GK5: variants seen among roughly 807,000 people sequenced by gnomAD.
GK5 encodes the protein ATP:glycerol 3-phosphotransferase 5.
GK5 carries 39 observed loss-of-function variants against 77.3 expected under a neutral mutation model. The observed-to-expected ratio is 0.50, with a 90% CI of 0.39 to 0.66. The LOEUF (loss-of-function observed/expected upper bound fraction) is 0.66. GK5 is among the 30% of genes least tolerant of loss of function. The pLI, the probability that GK5 is intolerant of heterozygous loss-of-function variation, is 0.00. For missense variants in GK5, 487 were observed against 633.8 expected (o/e 0.77, Z 2.49); for synonymous variants, 211 against 208.0 (o/e 1.01, Z -0.13).
At chr3:142,183,837 G>A (rs371920285) in intron 9 of GK5, among the ~76,000 whole-genome samples, 7 of 151,952 alleles carry the variant, frequency 4.6e-5, no homozygotes, top group Non-Finnish European at 7.4e-5. Flanking sequence ...GGCCTAAAGC[G>A]ATCCTCTCAC....
chr3:142,217,457 A>G (rs1405353965), intron 1 of GK5, among the ~76,000 whole-genome samples: 2 of 152,200 alleles, frequency 1.3e-5, no homozygotes, highest in Admixed American at 1.3e-4. Context: ...AGATAGACCA[A>G]TAGAAATTAT....
chr3:142,199,511 G>C (rs1289680523), intron 4 of GK5, among the ~76,000 whole-genome samples: 1 of 152,000 alleles, frequency 6.6e-6, no homozygotes, highest in Non-Finnish European at 1.5e-5. Flanking sequence ...AAAGACCTGA[G>C]AACTCTTAAT....
chr3:142,218,005 G>A (rs1027837806), intron 1 of GK5, among the ~76,000 whole-genome samples: 5 of 151,888 alleles, frequency 3.3e-5, no homozygotes, highest in African/African-American at 1.2e-4. Context: ...TAAAGTTAGA[G>A]GCACACTACC....
chr3:142,168,053 T>G (rs1030634522), intron 15 of GK5, among the ~76,000 whole-genome samples: 2 of 151,664 alleles, frequency 1.3e-5, no homozygotes, highest in African/African-American at 4.9e-5. Context: ...AAACCCTGCA[T>G]GTGTTTGTTA....
chr3:142,177,861 T>C lies in GK5; in HGVS notation c.1049-285A>G, dbSNP rs183792688. 4.4e-3 allele frequency among the ~76,000 whole-genome samples: 662 copies of C among 149,584 alleles called. 19 individuals are homozygous for C. Among genetic ancestry groups the C allele is most frequent in the Admixed American group, 0.028 (414 of 14,992 alleles). On this transcript the variant is annotated intron_variant, in intron 11 of 15. Transcript: ENST00000392993. ...AGCAGGACTTACGTTTTTTTTCTTT[T>C]TTTTTTTTTTTTTTGAGACGGAGTT... is the stretch of plus-strand genomic sequence containing the variant.
At chr3:142,194,095 C>T (rs1005908736) in intron 5 of GK5, among the ~76,000 whole-genome samples, 1 of 151,940 alleles carries the variant, frequency 6.6e-6, no homozygotes, top group African/African-American at 2.4e-5. Context: ...TATAGAAACA[C>T]GATTTTTAGC....
intron 1 of GK5, among the ~76,000 whole-genome samples, chr3:142,223,875 G>T (rs967181543): frequency 1.1e-4 from 16 of 152,090 alleles, no homozygotes; most frequent in African/African-American, 3.6e-4. Context: ...AAGGAAGTCT[G>T]ATGTTTCCCC....
At chr3:142,203,521 TC>T (rs1275249229) in intron 4 of GK5, among the ~76,000 whole-genome samples, 1 of 152,318 alleles carries the variant, frequency 6.6e-6, no homozygotes, top group East Asian at 1.9e-4. Context: ...ACGCCTGTAA[TC>T]CCCGCACTTT....
rs1442286225 is a variant in GK5 at position 142,189,496 on chromosome 3, A to T, written c.544-1717T>A. On this transcript the variant is annotated intron_variant, in intron 5 of 15. Coordinates refer to ENST00000392993, the MANE Select transcript of GK5 (RefSeq NM_001039547.3). ...TATTCTAAAATTTGTTCCAGATACA[A>T]CTTTTTTTAATAGCCAAAAGTTAAC... Among the ~76,000 whole-genome samples the T allele has an allele frequency of 8.5e-5, 13 of 152,314 alleles. No homozygotes were observed. In the South Asian group the frequency reaches 2.7e-3, roughly 32 times the overall value.
At chr3:142,177,862 T>C (rs898990125) in intron 11 of GK5, among the ~76,000 whole-genome samples, 36 of 149,900 alleles carry the variant, frequency 2.4e-4, no homozygotes, top group African/African-American at 7.4e-4. Context: ...TTTTTCTTTT[T>C]TTTTTTTTTT....
At position 142,160,880 on chromosome 3, in the gene GK5, G is replaced by T. The variant is rs569991837; in HGVS notation, c.*4742C>A. ...ACTACAGGGGCATACCACCACACCT[G>T]GCTAATTTAAAAAAAATTTTTTTGT... is the stretch of plus-strand genomic sequence containing the variant. On this transcript the variant is annotated 3_prime_UTR_variant, in exon 16 of 16. Coordinates refer to ENST00000392993, the MANE Select transcript of GK5 (RefSeq NM_001039547.3). 5 of 152,090 alleles carry T rather than the reference G, an allele frequency of 3.3e-5. No individual in the cohort carries two copies. In the South Asian group the frequency reaches 8.3e-4, roughly 25 times the overall value. 9.4% of individuals were successfully genotyped at this position (152,090 alleles called of 1,614,324 possible). A position where few individuals can be genotyped will look rare whatever the true frequency, so the allele number is the denominator to read the frequency against.
intron 11 of GK5, among the ~76,000 whole-genome samples, chr3:142,178,124 C>T (rs1160414915): frequency 3.3e-5 from 5 of 152,072 alleles, no homozygotes; most frequent in Admixed American, 3.3e-4. Flanking sequence ...TCCCAAAGTG[C>T]TGGGAATACA....
intron 4 of GK5, among the ~76,000 whole-genome samples, chr3:142,200,779 A>C (rs1401408722): frequency 6.6e-6 from 1 of 152,236 alleles, no homozygotes; most frequent in Admixed American, 6.5e-5. Flanking sequence ...ATCTTCATTC[A>C]TATATCTAAT....
chr3:142,200,524 G>A (rs2064004735), intron 4 of GK5, among the ~76,000 whole-genome samples: 1 of 152,062 alleles, frequency 6.6e-6, no homozygotes, highest in African/African-American at 2.4e-5. Flanking sequence ...TAAAACATAA[G>A]ACTTTTTAAA....
rs2063403760 is a variant in GK5 at position 142,159,083 on chromosome 3, A to G, written c.*6539T>C. 1.3e-5 allele frequency: 2 copies of G among 152,232 alleles called. No homozygotes were observed. The highest frequency in any genetic ancestry group is 2.9e-5 in the Non-Finnish European group (2 of 68,034). The allele number at this position is 152,232 out of a possible 1,614,324, so 9.4% of individuals were successfully genotyped here. A position where few individuals can be genotyped will look rare whatever the true frequency, so the allele number is the denominator to read the frequency against. ...CTCATTAAGCAAACATTTAGTGATCATATCTCACTGCAGCCTCGAACTCCT... is the reference window on the plus strand; with the variant it reads ...CTCATTAAGCAAACATTTAGTGATCGTATCTCACTGCAGCCTCGAACTCCT... On this transcript the variant is annotated 3_prime_UTR_variant, in exon 16 of 16. Coordinates refer to ENST00000392993, the MANE Select transcript of GK5 (RefSeq NM_001039547.3).
Position 142,165,376 on chromosome 3 carries a change from CTTTGGAATTTGCTACAAAATA to C in GK5, c.*225_*245del, listed in dbSNP as rs1414958714. 4 of 345,148 alleles carry C rather than the reference CTTTGGAATTTGCTACAAAATA, an allele frequency of 1.2e-5. No homozygotes were observed. Among genetic ancestry groups the C allele is most frequent in the Non-Finnish European group, 2.1e-5 (4 of 194,504 alleles). 21.4% of individuals were successfully genotyped at this position (345,148 alleles called of 1,614,324 possible). ...AATGTGGTTGGAAATGACTAATGTC[CTTTGGAATTTGCTACAAAATA>C]GAAGATATAAAGTTTTGAGGTATTG... On this transcript the variant is annotated 3_prime_UTR_variant, in exon 16 of 16. Coordinates refer to ENST00000392993, the MANE Select transcript of GK5 (RefSeq NM_001039547.3).
At chr3:142,177,631 A>C in intron 11 of GK5, 55 bp from the exon 12 acceptor site, 1 of 959,428 alleles carries the variant, frequency 1.0e-6, no homozygotes, top group Non-Finnish European at 1.7e-6. Flanking sequence ...GAGGTTAGAG[A>C]GGCACAAACA....
At chr3:142,218,110 C>A (rs1205414673) in intron 1 of GK5, among the ~76,000 whole-genome samples, 1 of 151,824 alleles carries the variant, frequency 6.6e-6, no homozygotes, top group Non-Finnish European at 1.5e-5. Context: ...AATACAGAGT[C>A]CAGAAATAGA....
In GK5 at chr3:142,215,656, T is replaced by C. The variant is rs1241726882; in HGVS notation, c.184A>G (p.Ile62Val). 1.3e-6 allele frequency: 2 copies of C among 1,598,508 alleles called. No homozygotes were observed. Among genetic ancestry groups the C allele is most frequent in the Non-Finnish European group, 1.7e-6 (2 of 1,167,942 alleles). The change falls in exon 2 of 16, where the codon ATT becomes GTT. Residue 62 changes from isoleucine (I) to valine (V), a missense_variant. Ile to Val is a conservative substitution (Grantham distance 29, BLOSUM62 3). This residue lies in a region of GK5 where 97 missense variants were observed against 86.9 expected (regional missense o/e 1.12). Coordinates refer to ENST00000392993, the MANE Select transcript of GK5 (RefSeq NM_001039547.3). Reference protein sequence around the residue: ...NLYPQIGWVEIDPDVLWIQFV... With the variant: ...NLYPQIGWVEVDPDVLWIQFV... The stretch of plus-strand genomic sequence containing the variant: ...TGAATCCAAAGAACATCAGGATCAA[T>C]TTCTACCCAGCCAATTTGAGGATAA...
Sources: allele counts gnomAD v4.1 joint callset (sites outside exome capture counted in the v4.1 genomes callset), GRCh38; gene constraint gnomAD v4.1.1; regional missense constraint gnomAD v4.1.1; transcripts MANE v1.5; gene names NCBI Gene and HGNC (gene_info 2026-07-23, HGNC 2026-07-21).